The following ERMP1 variants were observed in gnomAD, a reference collection of about 807,000 sequenced individuals.
ERMP1 encodes endoplasmic reticulum metallopeptidase 1.
ERMP1 carries 86 observed loss-of-function variants against 92.0 expected under a neutral mutation model. The observed-to-expected ratio is 0.93, with a 90% confidence interval of 0.79 to 1.12. The LOEUF (loss-of-function observed/expected upper bound fraction) is 1.12, where lower values mean the gene tolerates loss of function less well. Ranked by LOEUF, ERMP1 falls within the 50% of genes most tolerant of loss-of-function variation. The pLI is 0.00. For synonymous variants in ERMP1, 530 were observed against 412.8 expected (o/e 1.28, Z -3.44); for missense variants, 1,342 against 1,116.3 (o/e 1.20, Z -2.88).
Position 5,787,123 on chromosome 9 carries a change from A to G in ERMP1, c.*21T>C. 1 of 1,606,082 alleles carries G rather than the reference A, an allele frequency of 6.2e-7. No individual in the cohort carries two copies. The highest frequency in any genetic ancestry group is 8.5e-7 in the Non-Finnish European group (1 of 1,175,654). On this transcript the variant is annotated 3_prime_UTR_variant, in exon 15 of 15. Transcript: ENST00000339450. ...CACATGGAGTATCCACTGGGCATGT[A>G]CTTAGAGCTCATCCACAAGATTAAA...
chr9:5,856,274 G>A (rs757543317), intron 6 of ERMP1: 5 of 273,660 alleles, frequency 1.8e-5, no homozygotes, highest in East Asian at 1.5e-4. Context: ...CCGAAAGACT[G>A]TTCTCTGTTT....
rs545871982 is a variant in ERMP1 at position 5,785,252 on chromosome 9, T to A, written c.*1892A>T. 1 of 152,192 alleles carries A rather than the reference T, an allele frequency of 6.6e-6. No individual in the cohort carries two copies. Among genetic ancestry groups the A allele is most frequent in the Non-Finnish European group, 1.5e-5 (1 of 68,028 alleles). The allele number at this position is 152,192 out of a possible 1,614,324, so 9.4% of individuals were successfully genotyped here. A position where few individuals can be genotyped will look rare whatever the true frequency, so the allele number is the denominator to read the frequency against. ...TTACTGATAAAGAGTAAAGGCATCC[T>A]TCCCATAGAGGGGGGGAATTCACAG... On this transcript the variant is annotated 3_prime_UTR_variant, in exon 15 of 15. Coordinates refer to ENST00000339450, the MANE Select transcript of ERMP1 (RefSeq NM_024896.3).
chr9:5,838,473 C>A (rs1432648911), intron 6 of ERMP1, among the ~76,000 whole-genome samples: 1 of 150,948 alleles, frequency 6.6e-6, no homozygotes, highest in South Asian at 2.1e-4. Context: ...TCCAGGAGGT[C>A]AAGGCTGCCA....
chr9:5,836,771 C>T (rs1198562491), upstream of ERMP1, among the ~76,000 whole-genome samples: 2 of 152,180 alleles, frequency 1.3e-5, no homozygotes, highest in Non-Finnish European at 2.9e-5. Flanking sequence ...CACGGATCAC[C>T]TCCAACAAGC....
chr9:5,862,628 T>C (rs981859057), intron 5 of ERMP1, among the ~76,000 whole-genome samples: 1 of 152,250 alleles, frequency 6.6e-6, no homozygotes, highest in Non-Finnish European at 1.5e-5. Context: ...ATTACAGGCA[T>C]GAGCCACTGT....
At chr9:5,844,577 G>A (rs1021343897) in intron 6 of ERMP1, among the ~76,000 whole-genome samples, 1 of 152,106 alleles carries the variant, frequency 6.6e-6, no homozygotes, top group Non-Finnish European at 1.5e-5. Flanking sequence ...CCTGGCCCTA[G>A]CAGAGAAGAT....
intron 1 of ERMP1, 187 bp downstream of exon 1, chr9:5,832,503 C>G (rs1222611259): frequency 6.1e-6 from 3 of 492,958 alleles, no homozygotes; most frequent in African/African-American, 2.0e-5. Flanking sequence ...AGGCAAGCCC[C>G]AAGTCCCGGC....
In ERMP1 at chr9:5,810,235, A is replaced by C. The variant is rs769659284; in HGVS notation, c.1328-4T>G. ...AAGTCCTTCTTGTAGTTACCAGCTA[A>C]TGAAGAGAAAACAAAAAGTTGAAAT... On this transcript the variant is annotated splice_region_variant and splice_polypyrimidine_tract_variant and intron_variant, in intron 7 of 14. Transcript: ENST00000339450. 1.9e-6 allele frequency: 3 copies of C among 1,610,568 alleles called. No individual in the cohort carries two copies. The South Asian group carries it at 3.3e-5, about 18-fold the overall frequency.
intron 10 of ERMP1, among the ~76,000 whole-genome samples, chr9:5,804,432 C>G (rs1828793044): frequency 6.6e-6 from 1 of 152,174 alleles, no homozygotes; most frequent in Admixed American, 6.5e-5. Flanking sequence ...ACTCTCCTTA[C>G]TAGGGCAGGA....
intron 6 of ERMP1, among the ~76,000 whole-genome samples, chr9:5,857,730 C>T (rs1830396623): frequency 1.3e-5 from 2 of 152,180 alleles, no homozygotes. Flanking sequence ...AGCATATCAT[C>T]CCACGTTATC....
intron 7 of ERMP1, 46 bp downstream of exon 7, chr9:5,811,065 T>G: frequency 1.5e-6 from 2 of 1,355,530 alleles, no homozygotes; most frequent in Non-Finnish European, 2.1e-6. Context: ...TTCAAGCACA[T>G]TCTACAGCAA....
chr9:5,814,084 G>T (rs995788976), intron 4 of ERMP1, among the ~76,000 whole-genome samples: 6 of 152,066 alleles, frequency 3.9e-5, no homozygotes, highest in Non-Finnish European at 8.8e-5. Flanking sequence ...GAGGAGGAAT[G>T]ACATGACCCT....
Position 5,818,060 on chromosome 9 carries a change from G to A in ERMP1, c.875-5025C>T, listed in dbSNP as rs182011766. On this transcript the variant is annotated intron_variant, in intron 4 of 14. Transcript: ENST00000339450. ...GATCTATCGATTTTGGTGGATCTCG[G>A]TATATCAAGGTGGATCACTTGAGCC... Among the ~76,000 whole-genome samples the A allele has an allele frequency of 2.7e-4, 41 of 151,954 alleles. No homozygotes were observed. In the East Asian group the frequency reaches 5.0e-3, roughly 19 times the overall value.
chr9:5,853,504 G>C (rs1168402077), intron 6 of ERMP1, among the ~76,000 whole-genome samples: 1 of 152,086 alleles, frequency 6.6e-6, no homozygotes, highest in East Asian at 1.9e-4. Context: ...TGTTGGTTAA[G>C]AAACAGCCAC....
intron 13 of ERMP1, among the ~76,000 whole-genome samples, chr9:5,791,653 A>G (rs150266343): frequency 1.7e-4 from 26 of 152,076 alleles, no homozygotes; most frequent in African/African-American, 6.3e-4. Context: ...GCTTTTGAAG[A>G]TGAGAAAATG....
At chr9:5,856,120 C>A in intron 6 of ERMP1, 1 of 350,856 alleles carries the variant, frequency 2.9e-6, no homozygotes, top group South Asian at 2.8e-5. Context: ...TCAAACAGAT[C>A]ACTAAATCCA....
rs764747925 is a variant in ERMP1, at chr9:5,805,195, A to T, written c.1746T>A (p.Ala582=). The change falls in exon 10 of 15, where the codon GCT becomes GCA. Residue 582 remains alanine (A), a synonymous_variant. Coordinates refer to ENST00000339450, the MANE Select transcript of ERMP1 (RefSeq NM_024896.3). ...GAATAAACATCCCCAAAAGGTAAAA[A>T]GCAATAAATTTTCCTTGGGCACCTA... The part of the protein sequence containing the change: ...KQHGAQGKFI[A]FYLLGMFIPY... The T allele has an allele frequency of 6.2e-7, 1 of 1,607,988 alleles. No homozygotes were observed. The highest frequency in any genetic ancestry group is 8.5e-7 in the Non-Finnish European group (1 of 1,178,448).
chr9:5,837,652 C>T (rs73390195), upstream of ERMP1, among the ~76,000 whole-genome samples: 784 of 152,262 alleles, frequency 5.1e-3, 8 homozygotes, highest in African/African-American at 0.018. Context: ...ATACATTATT[C>T]TTTCTCACTC....
intron 6 of ERMP1, among the ~76,000 whole-genome samples, chr9:5,845,471 A>G (rs146617237): frequency 6.6e-6 from 1 of 152,224 alleles, no homozygotes; most frequent in African/African-American, 2.4e-5. Flanking sequence ...GAGAGAGAGA[A>G]TAACTTATTC....
Sources: gnomAD v4.1 joint callset for allele counts (sites outside exome capture counted in the v4.1 genomes callset) on GRCh38, gnomAD v4.1.1 for gene constraint, MANE v1.5 for transcripts, NCBI Gene and HGNC (gene_info 2026-07-23, HGNC 2026-07-21) for gene names.